The following GNA14 variants were observed in gnomAD, a reference collection of about 807,000 sequenced individuals.
The protein encoded by GNA14 is G protein subunit alpha 14, also known as guanine nucleotide-binding protein subunit alpha-14.
In GNA14, 50 loss-of-function variants were observed where a neutral mutation model predicts 42.0. That is an observed-to-expected ratio of 1.19 (90% CI 0.95 to 1.51). The LOEUF is 1.51. GNA14 is among the 40% of genes most tolerant of loss of function. GNA14 has a pLI of 0.00. For synonymous variants in GNA14, 173 were observed against 163.1 expected (o/e 1.06, Z -0.46); for missense variants, 473 against 446.2 (o/e 1.06, Z -0.54).
At chr9:77,504,891 C>T (rs1236318369) in intron 2 of GNA14, among the ~76,000 whole-genome samples, 2 of 152,028 alleles carry the variant, frequency 1.3e-5, no homozygotes, top group Non-Finnish European at 2.9e-5. Context: ...TGGTCTCAAT[C>T]TCCTGACCTC....
At chr9:77,608,680 A>G (rs1408014852) in intron 1 of GNA14, among the ~76,000 whole-genome samples, 1 of 150,876 alleles carries the variant, frequency 6.6e-6, no homozygotes, top group Non-Finnish European at 1.5e-5. Context: ...GCATGTTCAC[A>G]GCCAAATGGC....
intron 1 of GNA14, among the ~76,000 whole-genome samples, chr9:77,610,745 T>A (rs1823717210): frequency 6.6e-6 from 1 of 152,228 alleles, no homozygotes; most frequent in Non-Finnish European, 1.5e-5. Flanking sequence ...GATACATATT[T>A]CTGTTATAAT....
chr9:77,431,819 C>T (rs1025837851), intron 3 of GNA14: 1 of 182,948 alleles, frequency 5.5e-6, no homozygotes, highest in Non-Finnish European at 1.1e-5. Flanking sequence ...CTCCAGAGCC[C>T]CTTCTCCCTC....
At chr9:77,577,788 A>C (rs556561322) in intron 1 of GNA14, among the ~76,000 whole-genome samples, 6 of 152,116 alleles carry the variant, frequency 3.9e-5, no homozygotes, top group Non-Finnish European at 8.8e-5. Context: ...TTCCCATCAA[A>C]TGGCCTCAAA....
chr9:77,557,020 A>T (rs1822794222), intron 1 of GNA14, among the ~76,000 whole-genome samples: 1 of 152,226 alleles, frequency 6.6e-6, no homozygotes, highest in Non-Finnish European at 1.5e-5. Context: ...TACCACGGTT[A>T]AGAAGAAATC....
At chr9:77,616,909 G>A (rs180752856) in intron 1 of GNA14, among the ~76,000 whole-genome samples, 7 of 148,718 alleles carry the variant, frequency 4.7e-5, no homozygotes, top group Admixed American at 6.6e-5. Context: ...TCACTCTGTC[G>A]CCCAGGCTGG....
At chr9:77,572,245 A>G (rs1420821305) in intron 1 of GNA14, among the ~76,000 whole-genome samples, 1 of 152,198 alleles carries the variant, frequency 6.6e-6, no homozygotes, top group African/African-American at 2.4e-5. Flanking sequence ...GTTTTCCAAG[A>G]AAAGATCTAA....
At chr9:77,515,274 C>T (rs1455227720) in intron 2 of GNA14, among the ~76,000 whole-genome samples, 1 of 152,164 alleles carries the variant, frequency 6.6e-6, no homozygotes, top group Non-Finnish European at 1.5e-5. Flanking sequence ...ATAGATCTTC[C>T]ATTCTAGTGG....
chr9:77,434,343 C>T (rs201790436), intron 3 of GNA14, 25 bp downstream of exon 3: 258 of 1,588,926 alleles, frequency 1.6e-4, no homozygotes, highest in Middle Eastern at 3.8e-4. Flanking sequence ...GCACCGCGGG[C>T]GGCCAGGGTG....
intron 2 of GNA14, among the ~76,000 whole-genome samples, chr9:77,447,254 A>G (rs887982027): frequency 6.6e-6 from 1 of 151,962 alleles, no homozygotes; most frequent in Admixed American, 6.6e-5. Context: ...TCAATGTACA[A>G]TTTCTGTAAA....
intron 1 of GNA14, among the ~76,000 whole-genome samples, chr9:77,585,814 T>C (rs1158491878): frequency 6.6e-6 from 1 of 152,234 alleles, no homozygotes; most frequent in Non-Finnish European, 1.5e-5. Flanking sequence ...TGCTACATCT[T>C]CCTCATTTAT....
At chr9:77,528,129 A>C (rs1837470125) in intron 2 of GNA14, among the ~76,000 whole-genome samples, 1 of 152,140 alleles carries the variant, frequency 6.6e-6, no homozygotes, top group African/African-American at 2.4e-5. Flanking sequence ...TGATTGCTTT[A>C]AAACTTTTTT....
At chr9:77,488,482 A>G (rs1415759678) in intron 2 of GNA14, among the ~76,000 whole-genome samples, 1 of 152,192 alleles carries the variant, frequency 6.6e-6, no homozygotes, top group African/African-American at 2.4e-5. Flanking sequence ...ACCACCATGG[A>G]AACTCTGCTC....
At chr9:77,638,689 G>C (rs1398627899) in intron 1 of GNA14, among the ~76,000 whole-genome samples, 1 of 152,208 alleles carries the variant, frequency 6.6e-6, no homozygotes, top group African/African-American at 2.4e-5. Flanking sequence ...GTAAGTAAAA[G>C]ACACTGAATT....
intron 1 of GNA14, among the ~76,000 whole-genome samples, chr9:77,592,331 C>T (rs1374440315): frequency 6.6e-6 from 1 of 152,158 alleles, no homozygotes; most frequent in African/African-American, 2.4e-5. Context: ...TGTGTTAACC[C>T]TGATGGCATA....
chr9:77,431,278 G>A (rs771447300), intron 4 of GNA14, 43 bp downstream of exon 4: 1 of 1,593,064 alleles, frequency 6.3e-7, no homozygotes, highest in South Asian at 1.1e-5. Context: ...GGACTTCCAA[G>A]CCTGGGCAGA....
intron 2 of GNA14, among the ~76,000 whole-genome samples, chr9:77,458,933 T>G (rs1161515691): frequency 1.3e-5 from 2 of 148,900 alleles, no homozygotes; most frequent in Non-Finnish European, 3.0e-5. Flanking sequence ...TTCTCCCCCT[T>G]GCCCAAGACT....
At chr9:77,431,556 C>T (rs1382728760) in intron 3 of GNA14, 107 bp from the exon 4 acceptor site, 4 of 934,586 alleles carry the variant, frequency 4.3e-6, no homozygotes, top group African/African-American at 3.3e-5. Flanking sequence ...CACACAGACA[C>T]ACGAATTCCA....
intron 2 of GNA14, among the ~76,000 whole-genome samples, chr9:77,470,145 G>A (rs1836305941): frequency 6.6e-6 from 1 of 152,154 alleles, no homozygotes; most frequent in Admixed American, 6.5e-5. Context: ...ATGCTCACGG[G>A]TACAGAATAG....
Sources: allele counts gnomAD v4.1 joint callset (sites outside exome capture counted in the v4.1 genomes callset), GRCh38; gene constraint gnomAD v4.1.1; transcripts MANE v1.5; gene names NCBI Gene and HGNC (gene_info 2026-07-23, HGNC 2026-07-21).